The following POT1 variants were observed in gnomAD, a reference collection of about 807,000 sequenced individuals.
POT1 encodes the protein protection of telomeres protein 1.
In POT1, 47 loss-of-function variants were observed where a neutral mutation model predicts 78.5. The ratio of observed to expected loss-of-function variants is 0.60; its 90% CI spans 0.47 to 0.76. The LOEUF is 0.76. Among genes scored for constraint, POT1 ranks in the 30% least tolerant of loss-of-function variants. POT1 has a pLI of 0.00. For missense variants in POT1, 646 were observed against 749.9 expected, an observed-to-expected ratio of 0.86 and a Z score of 1.62; for synonymous variants, 259 against 260.7, an observed-to-expected ratio of 0.99 and a Z score of 0.06.
At chr7:124,925,314 A>C (rs967156064) in intron 2 of POT1, among the ~76,000 whole-genome samples, 3 of 152,094 alleles carry the variant, frequency 2.0e-5, no homozygotes, top group African/African-American at 7.2e-5. Flanking sequence ...TACATCAATA[A>C]AAATCTAGCT....
intron 3 of POT1, among the ~76,000 whole-genome samples, chr7:124,910,205 A>G (rs918392000): frequency 6.6e-6 from 1 of 151,944 alleles, no homozygotes; most frequent in African/African-American, 2.4e-5. Flanking sequence ...TTTGCTTTTC[A>G]GTTTATAGCC....
At chr7:124,861,773 T>C (rs1419574454) in intron 8 of POT1, among the ~76,000 whole-genome samples, 1 of 152,204 alleles carries the variant, frequency 6.6e-6, no homozygotes, top group African/African-American at 2.4e-5. Context: ...CTTGAATTAA[T>C]TTTTGTATAA....
At chr7:124,859,172 GT>G (rs1208981647) in intron 8 of POT1, 60 bp from the exon 9 acceptor site, 10 of 1,328,938 alleles carry the variant, frequency 7.5e-6, no homozygotes, top group Non-Finnish European at 1.0e-5. Flanking sequence ...GTGCTAAAAA[GT>G]TTTTTCCTGG....
intron 2 of POT1, among the ~76,000 whole-genome samples, chr7:124,927,273 C>T (rs1346908409): frequency 6.6e-6 from 1 of 152,146 alleles, no homozygotes; most frequent in Non-Finnish European, 1.5e-5. Context: ...TGAACAGATA[C>T]TTTTCAGACC....
rs537569391 is a variant in POT1 at position 124,832,071 on chromosome 7, C to T, written c.1506-2729G>A. 5.0e-5 allele frequency among the ~76,000 whole-genome samples: 7 copies of T among 141,330 alleles called. No homozygotes were observed. In the East Asian group the frequency reaches 1.3e-3, roughly 26 times the overall value. 92.7% of individuals were successfully genotyped at this position (141,330 alleles called of 152,430 possible). A position where few individuals can be genotyped will look rare whatever the true frequency, so the allele number is the denominator to read the frequency against. On this transcript the variant is annotated intron_variant, in intron 15 of 18. Coordinates refer to ENST00000357628, the MANE Select transcript of POT1 (RefSeq NM_015450.3). ...TTGCTTGAACTCCAGAGTTCAAGAA[C>T]AGCCTGGGCAACATGGCAAAACCCC...
chr7:124,883,026 A>C lies in POT1; in HGVS notation c.124+9240T>G, dbSNP rs543247245. Among the ~76,000 whole-genome samples the C allele has an allele frequency of 7.8e-4, 119 of 152,200 alleles. 1 individual carries two copies. Among genetic ancestry groups the C allele is most frequent in the Non-Finnish European group, 1.5e-3 (102 of 67,936 alleles). ...AGCTGAAGAGGGGAGGCTTGTCTCA[A>C]CTACCCAAATCTTTAAAGAGGTAAG... On this transcript the variant is annotated intron_variant, in intron 6 of 18. Transcript: ENST00000357628.
chr7:124,926,932 G>C (rs898351683), intron 2 of POT1, among the ~76,000 whole-genome samples: 1 of 152,078 alleles, frequency 6.6e-6, no homozygotes, highest in Non-Finnish European at 1.5e-5. Flanking sequence ...GAGGGGTAGG[G>C]GATTAGGAGT....
chr7:124,889,018 C>A (rs1029250130), intron 6 of POT1, among the ~76,000 whole-genome samples: 1 of 151,822 alleles, frequency 6.6e-6, no homozygotes, highest in African/African-American at 2.4e-5. Flanking sequence ...CACTTTAAAT[C>A]AAAAGTTACA....
chr7:124,865,438 T>C (rs534647370), intron 7 of POT1, among the ~76,000 whole-genome samples: 11 of 152,202 alleles, frequency 7.2e-5, no homozygotes, highest in African/African-American at 2.6e-4. Flanking sequence ...TATTGTTCCA[T>C]AGGTCCTTAG....
At chr7:124,916,116 C>T (rs2116698867) in intron 2 of POT1, among the ~76,000 whole-genome samples, 1 of 152,106 alleles carries the variant, frequency 6.6e-6, no homozygotes, top group East Asian at 1.9e-4. Flanking sequence ...AACTAACCAG[C>T]TCTGTCAGTT....
At chr7:124,911,626 G>C (rs1046785802) in intron 3 of POT1, among the ~76,000 whole-genome samples, 3 of 152,164 alleles carry the variant, frequency 2.0e-5, no homozygotes, top group African/African-American at 7.2e-5. Flanking sequence ...CAGCATTGCA[G>C]ATGGAAAACT....
intron 2 of POT1, among the ~76,000 whole-genome samples, chr7:124,921,479 G>A (rs1797148836): frequency 6.6e-6 from 1 of 151,316 alleles, no homozygotes; most frequent in Non-Finnish European, 1.5e-5. Flanking sequence ...AAAATAAATA[G>A]AAATAAAACT....
chr7:124,866,795 T>A lies in POT1; in HGVS notation c.256-3155A>T, dbSNP rs557832182. Among the ~76,000 whole-genome samples, 26 of 152,308 alleles carry A rather than the reference T, an allele frequency of 1.7e-4. No homozygotes were observed. In the Middle Eastern group the frequency reaches 0.01, roughly 60 times the overall value. ...GTCCGATGCCTAAAAAACAGTTGCCTCATAACGTTTTATGGGTCTTCGTGG... is the reference window on the plus strand; with the variant it reads ...GTCCGATGCCTAAAAAACAGTTGCCACATAACGTTTTATGGGTCTTCGTGG... On this transcript the variant is annotated intron_variant, in intron 7 of 18. Coordinates refer to ENST00000357628, the MANE Select transcript of POT1 (RefSeq NM_015450.3).
intron 16 of POT1, among the ~76,000 whole-genome samples, chr7:124,828,186 A>G (rs1231043067): frequency 6.6e-6 from 1 of 152,186 alleles, no homozygotes; most frequent in Non-Finnish European, 1.5e-5. Context: ...GCAGTTAAAT[A>G]CCGTTTTAGC....
In POT1 at chr7:124,863,647, A is replaced by C. The variant is rs777218028; in HGVS notation, c.256-7T>G. 2 of 1,588,934 alleles carry C rather than the reference A, an allele frequency of 1.3e-6. No homozygotes were observed. The highest frequency in any genetic ancestry group is 1.8e-5 in the Admixed American group (1 of 56,210). ...CCTTTTTATATACTTGAATCTAAGA[A>C]AGTAGGGCAAAGTAGAAAACAGATA... On this transcript the variant is annotated splice_polypyrimidine_tract_variant and splice_region_variant and intron_variant, in intron 7 of 18. Transcript: ENST00000357628.
intron 6 of POT1, among the ~76,000 whole-genome samples, chr7:124,883,454 T>G (rs1300972915): frequency 6.6e-6 from 1 of 152,126 alleles, no homozygotes; most frequent in Admixed American, 6.6e-5. Context: ...GAATTTCCCA[T>G]GTCATATTAT....
chr7:124,887,772 T>C (rs1014447373), intron 6 of POT1, among the ~76,000 whole-genome samples: 4 of 152,108 alleles, frequency 2.6e-5, no homozygotes, highest in African/African-American at 9.6e-5. Context: ...TTACAGATAA[T>C]GGTGTTTTAG....
intron 12 of POT1, among the ~76,000 whole-genome samples, chr7:124,845,422 T>G (rs1392095395): frequency 6.6e-6 from 1 of 152,302 alleles, no homozygotes; most frequent in East Asian, 1.9e-4. Context: ...CAGATTTAGC[T>G]TATGCATTTT....
intron 15 of POT1, among the ~76,000 whole-genome samples, chr7:124,833,490 T>C (rs1484529208): frequency 6.6e-6 from 1 of 152,192 alleles, no homozygotes; most frequent in Non-Finnish European, 1.5e-5. Flanking sequence ...AGGGTGATTG[T>C]TTCATCAAGC....
Sources: allele counts gnomAD v4.1 joint callset (sites outside exome capture counted in the v4.1 genomes callset), GRCh38; gene constraint gnomAD v4.1.1; transcripts MANE v1.5; gene names NCBI Gene and HGNC (gene_info 2026-07-23, HGNC 2026-07-21).